PPP2R3A: variants seen among roughly 807,000 people sequenced by gnomAD.
PPP2R3A encodes protein phosphatase 2 regulatory subunit B''alpha, also known as serine/threonine-protein phosphatase 2A regulatory subunit B'' subunit alpha.
PPP2R3A carries 80 observed loss-of-function variants against 106.9 expected under a neutral mutation model. The ratio of observed to expected loss-of-function variants is 0.75; its 90% confidence interval spans 0.62 to 0.90. The LOEUF is 0.90. Ranked by LOEUF, PPP2R3A falls within the 40% of genes least tolerant of loss-of-function variation. The probability of loss-of-function intolerance (pLI) is 0.00; values close to 1 mark genes in which losing one functional copy is unlikely to be tolerated. For synonymous variants in PPP2R3A, 483 were observed against 468.3 expected, an observed-to-expected ratio of 1.03 and a Z score of -0.41; for missense variants, 1,386 against 1,350.4, an observed-to-expected ratio of 1.03 and a Z score of -0.41.
chr3:136,129,770 A>T (rs1938329224), intron 13 of PPP2R3A, among the ~76,000 whole-genome samples: 1 of 152,160 alleles, frequency 6.6e-6, no homozygotes. Flanking sequence ...AATCCTCAAA[A>T]TACTGGCAGG....
In PPP2R3A at chr3:136,121,912, C is replaced by T. The variant is rs1309947541; in HGVS notation, c.3329+15590C>T. ...TAGCTGATTTTTTTCCCAATGTTCC[C>T]TTCCAATGCAATACCTGAGAATTCT... On this transcript the variant is annotated intron_variant, in intron 13 of 13. Coordinates refer to ENST00000264977, the MANE Select transcript of PPP2R3A (RefSeq NM_002718.5). Among the ~76,000 whole-genome samples the T allele has an allele frequency of 2.0e-5, 3 of 152,116 alleles. No individual in the cohort carries two copies. The East Asian group carries it at 5.8e-4, about 29-fold the overall frequency.
intron 13 of PPP2R3A, among the ~76,000 whole-genome samples, chr3:136,131,297 A>C (rs1379701512): frequency 6.6e-6 from 1 of 152,232 alleles, no homozygotes; most frequent in African/African-American, 2.4e-5. Context: ...CAAAATCTAC[A>C]AAGAACTCAA....
chr3:136,145,045 T>A lies in PPP2R3A; in HGVS notation c.3332T>A (p.Phe1111Tyr), dbSNP rs758963616. ...TCACTTTTGCTTTGTTATTTCAGCT[T>A]TGAAGATTATGAAACAGATGAACCT... ...ESAQAQFQEGFEDYETDEPAS... is the reference protein window; with the variant it reads ...ESAQAQFQEGYEDYETDEPAS... The change falls in exon 14 of 14, where the codon TTT becomes TAT. Residue 1111 changes from phenylalanine to tyrosine, a missense_variant and splice_region_variant. By Grantham distance (22) the Phe-to-Tyr change is conservative. Coordinates refer to ENST00000264977, the MANE Select transcript of PPP2R3A (RefSeq NM_002718.5). The A allele has an allele frequency of 5.6e-5, 90 of 1,608,146 alleles. No individual in the cohort carries two copies. Among genetic ancestry groups the A allele is most frequent in the Non-Finnish European group, 7.4e-5 (87 of 1,178,224 alleles).
intron 1 of PPP2R3A, among the ~76,000 whole-genome samples, chr3:135,995,099 C>T (rs903477704): frequency 1.3e-5 from 2 of 152,116 alleles, no homozygotes; most frequent in African/African-American, 2.4e-5. Flanking sequence ...GAAACACTCA[C>T]CCAGAAATTA....
intron 5 of PPP2R3A, among the ~76,000 whole-genome samples, chr3:136,060,973 AAC>A (rs1380665471): frequency 6.6e-6 from 1 of 152,232 alleles, no homozygotes; most frequent in African/African-American, 2.4e-5. Flanking sequence ...ATTTTGAAAC[AAC>A]ACACTGTAAA....
intron 13 of PPP2R3A, among the ~76,000 whole-genome samples, chr3:136,141,434 G>T (rs1938869100): frequency 6.6e-6 from 1 of 152,144 alleles, no homozygotes; most frequent in South Asian, 2.1e-4. Context: ...CAGGGCCTAG[G>T]GAAGCCACTG....
At chr3:135,980,563 C>T in intron 1 of PPP2R3A, among the ~76,000 whole-genome samples, 1 of 151,690 alleles carries the variant, frequency 6.6e-6, no homozygotes, top group South Asian at 2.1e-4. Context: ...TAGATGATTC[C>T]CACCCAACAG....
chr3:136,024,657 ACT>A (rs1162588185), intron 2 of PPP2R3A, among the ~76,000 whole-genome samples: 1 of 152,102 alleles, frequency 6.6e-6, no homozygotes, highest in African/African-American at 2.4e-5. Context: ...TATTCATGAG[ACT>A]CTCAGGTTTC....
chr3:136,090,830 G>T (rs1388662944), intron 10 of PPP2R3A, among the ~76,000 whole-genome samples, 163 bp downstream of exon 10: 2 of 152,210 alleles, frequency 1.3e-5, no homozygotes, highest in African/African-American at 4.8e-5. Context: ...CAGGAGATTG[G>T]CACTGAATCC....
intron 3 of PPP2R3A, among the ~76,000 whole-genome samples, chr3:136,031,116 G>A (rs1319022178): frequency 6.6e-6 from 1 of 151,974 alleles, no homozygotes; most frequent in Non-Finnish European, 1.5e-5. Flanking sequence ...GTTCACTGCA[G>A]CCATGCCAAC....
chr3:135,971,757 G>C (rs1291678415), intron 1 of PPP2R3A, among the ~76,000 whole-genome samples: 1 of 152,148 alleles, frequency 6.6e-6, no homozygotes, highest in Non-Finnish European at 1.5e-5. Flanking sequence ...ATCTTATTTA[G>C]AAACTTGTGT....
At chr3:136,072,865 A>G (rs1372946159) in intron 6 of PPP2R3A, among the ~76,000 whole-genome samples, 3 of 152,130 alleles carry the variant, frequency 2.0e-5, no homozygotes, top group East Asian at 1.9e-4. Context: ...TTTTTCTTTC[A>G]TGATCTTAAT....
At chr3:136,047,301 C>T (rs1480029013) in intron 4 of PPP2R3A, among the ~76,000 whole-genome samples, 1 of 152,078 alleles carries the variant, frequency 6.6e-6, no homozygotes, top group Non-Finnish European at 1.5e-5. Context: ...GGTATATACC[C>T]AAAGAAAAAT....
chr3:136,107,825 G>C (rs556577372), intron 13 of PPP2R3A, among the ~76,000 whole-genome samples: 1 of 152,124 alleles, frequency 6.6e-6, no homozygotes, highest in Non-Finnish European at 1.5e-5. Flanking sequence ...GGATTCACAA[G>C]CATGATTTAA....
chr3:135,975,792 G>T (rs1937402818), intron 1 of PPP2R3A, among the ~76,000 whole-genome samples: 1 of 152,002 alleles, frequency 6.6e-6, no homozygotes, highest in African/African-American at 2.4e-5. Flanking sequence ...ATTAAAAACT[G>T]CCAAATTGGT....
chr3:136,087,680 C>G (rs777506727), intron 8 of PPP2R3A: 81 of 469,656 alleles, frequency 1.7e-4, no homozygotes, highest in Non-Finnish European at 3.0e-4. Context: ...TTAATACTTC[C>G]CAGATGTCAG....
At chr3:136,020,501 G>A (rs978424005) in intron 2 of PPP2R3A, among the ~76,000 whole-genome samples, 3 of 152,058 alleles carry the variant, frequency 2.0e-5, no homozygotes, top group Non-Finnish European at 4.4e-5. Flanking sequence ...CTAAACTTCA[G>A]TGATTTTTCT....
chr3:136,032,531 T>A (rs1429235239), intron 3 of PPP2R3A, among the ~76,000 whole-genome samples: 6 of 129,704 alleles, frequency 4.6e-5, no homozygotes, highest in South Asian at 4.6e-4. Context: ...TATTTATTTA[T>A]TTTTTTTTTT....
intron 6 of PPP2R3A, among the ~76,000 whole-genome samples, chr3:136,076,223 G>C (rs369338497): frequency 1.3e-5 from 2 of 152,194 alleles, no homozygotes; most frequent in Non-Finnish European, 2.9e-5. Flanking sequence ...ATGCATTTCT[G>C]TCTAGCAGTT....
Sources: allele counts gnomAD v4.1 joint callset (sites outside exome capture counted in the v4.1 genomes callset), GRCh38; gene constraint gnomAD v4.1.1; transcripts MANE v1.5; gene names NCBI Gene and HGNC (gene_info 2026-07-23, HGNC 2026-07-21).